SNTG1: variants seen among roughly 807,000 people sequenced by gnomAD.
The protein encoded by SNTG1 is gamma-1-syntrophin.
In SNTG1, 39 loss-of-function variants were observed where a neutral mutation model predicts 74.7. That is an observed-to-expected ratio of 0.52 (90% CI 0.40 to 0.68). SNTG1 has a LOEUF of 0.68. Among genes scored for constraint, SNTG1 ranks in the 30% least tolerant of loss-of-function variants. The probability of loss-of-function intolerance (pLI) is 0.00; values close to 1 mark genes in which losing one functional copy is unlikely to be tolerated. For missense variants in SNTG1, 685 were observed against 609.5 expected (o/e 1.12, Z -1.30); for synonymous variants, 254 against 217.1 (o/e 1.17, Z -1.49).
chr8:50,025,289 TTCTCATTAA>T (rs1313149173), intron 1 of SNTG1, among the ~76,000 whole-genome samples: 1 of 152,194 alleles, frequency 6.6e-6, no homozygotes, highest in Non-Finnish European at 1.5e-5. Context: ...ATAACCCACT[TTCTCATTAA>T]TCTTAATCTT....
chr8:50,337,369 A>G (rs1398213821), intron 2 of SNTG1, among the ~76,000 whole-genome samples: 1 of 152,180 alleles, frequency 6.6e-6, no homozygotes, highest in African/African-American at 2.4e-5. Flanking sequence ...TGGAAGTTAA[A>G]TCTCCTAGAG....
intron 1 of SNTG1, among the ~76,000 whole-genome samples, chr8:50,123,779 T>A (rs2081064928): frequency 7.0e-6 from 1 of 142,308 alleles, no homozygotes; most frequent in Non-Finnish European, 1.6e-5. Flanking sequence ...AATAGCTGTG[T>A]AACCTACAGG....
intron 1 of SNTG1, among the ~76,000 whole-genome samples, chr8:49,946,322 A>G (rs1809181809): frequency 6.6e-6 from 1 of 152,196 alleles, no homozygotes; most frequent in South Asian, 2.1e-4. Flanking sequence ...ATTGTAAATA[A>G]CTTTGTAGAC....
intron 13 of SNTG1, among the ~76,000 whole-genome samples, chr8:50,615,844 A>G (rs2094882204): frequency 1.3e-5 from 2 of 152,234 alleles, no homozygotes; most frequent in African/African-American, 4.8e-5. Flanking sequence ...GAGGCAACGC[A>G]TTTGTCAGTG....
chr8:50,463,727 A>T (rs2093586676), intron 8 of SNTG1, among the ~76,000 whole-genome samples: 1 of 152,176 alleles, frequency 6.6e-6, no homozygotes, highest in African/African-American at 2.4e-5. Flanking sequence ...TGGTACACAG[A>T]CATTGGCTTC....
At chr8:50,501,813 A>C (rs1429748568) in intron 8 of SNTG1, among the ~76,000 whole-genome samples, 1 of 151,960 alleles carries the variant, frequency 6.6e-6, no homozygotes, top group Non-Finnish European at 1.5e-5. Flanking sequence ...CAAGTAGCCA[A>C]TTCTTTAATT....
chr8:50,288,697 G>GA (rs970725189), intron 2 of SNTG1, among the ~76,000 whole-genome samples: 6 of 150,084 alleles, frequency 4.0e-5, no homozygotes, highest in Non-Finnish European at 5.9e-5. Flanking sequence ...AGGTCATCTG[G>GA]AAAAAAAAAG....
intron 11 of SNTG1, among the ~76,000 whole-genome samples, chr8:50,548,012 A>T (rs1323794270): frequency 6.6e-6 from 1 of 152,206 alleles, no homozygotes; most frequent in East Asian, 1.9e-4. Context: ...TGCATATGTA[A>T]TACCTGCTCC....
At chr8:49,938,603 T>TTTTTTTTCTTTTCTTTCTTTCTTTC (rs1554524905) in intron 1 of SNTG1, among the ~76,000 whole-genome samples, 2,103 of 74,730 alleles carry the variant, frequency 0.028, 217 homozygotes, top group Middle Eastern at 0.065. Context: ...TTTTCTTTTC[T>TTTTTTTTCTTTTCTTTCTTTCTTTC]TTTCTTTCTT....
intron 2 of SNTG1, among the ~76,000 whole-genome samples, chr8:50,191,472 T>C (rs1340914809): frequency 6.6e-6 from 1 of 152,112 alleles, no homozygotes; most frequent in Non-Finnish European, 1.5e-5. Flanking sequence ...GTTCGGCAAA[T>C]CATTTGCCTC....
intron 1 of SNTG1, among the ~76,000 whole-genome samples, chr8:50,016,919 G>A (rs1302458027): frequency 2.6e-5 from 4 of 152,086 alleles, no homozygotes; most frequent in African/African-American, 7.2e-5. Flanking sequence ...CAGAAACCAA[G>A]GAAGCTGGAA....
chr8:50,481,887 G>C (rs1023497856), intron 8 of SNTG1, among the ~76,000 whole-genome samples: 1 of 152,126 alleles, frequency 6.6e-6, no homozygotes, highest in African/African-American at 2.4e-5. Context: ...AATCAGTTTT[G>C]TGATTTCTGC....
intron 2 of SNTG1, among the ~76,000 whole-genome samples, chr8:50,266,605 G>T (rs2087477984): frequency 6.7e-6 from 1 of 149,808 alleles, no homozygotes; most frequent in South Asian, 2.1e-4. Context: ...TAATTTTGGT[G>T]GGGCATATGG....
chr8:50,657,605 C>T (rs921901375), intron 14 of SNTG1, among the ~76,000 whole-genome samples: 3 of 152,030 alleles, frequency 2.0e-5, no homozygotes, highest in Non-Finnish European at 1.5e-5. Flanking sequence ...CTATGGTAAT[C>T]CCATAGGATG....
chr8:49,989,481 G>C (rs1011903568), intron 1 of SNTG1, among the ~76,000 whole-genome samples: 1 of 151,794 alleles, frequency 6.6e-6, no homozygotes, highest in Non-Finnish European at 1.5e-5. Context: ...TTAAAGTCCA[G>C]GTTTTACTAT....
At chr8:50,701,994 G>A (rs1458265201) in intron 15 of SNTG1, among the ~76,000 whole-genome samples, 1 of 151,746 alleles carries the variant, frequency 6.6e-6, no homozygotes, top group East Asian at 2.0e-4. Context: ...GGAATTACAG[G>A]GATGCACCAC....
chr8:50,451,465 G>A (rs370025420), intron 8 of SNTG1, among the ~76,000 whole-genome samples: 11 of 152,124 alleles, frequency 7.2e-5, no homozygotes, highest in African/African-American at 2.2e-4. Context: ...GTGTGTGTGA[G>A]TTTGTGTGTT....
chr8:50,003,964 A>G (rs931541323), intron 1 of SNTG1, among the ~76,000 whole-genome samples: 2 of 152,144 alleles, frequency 1.3e-5, no homozygotes, highest in African/African-American at 4.8e-5. Flanking sequence ...GAATTTGCCA[A>G]TGATCCAAAG....
intron 1 of SNTG1, among the ~76,000 whole-genome samples, chr8:49,979,913 TG>T (rs1298118237): frequency 2.6e-5 from 4 of 152,238 alleles, no homozygotes; most frequent in African/African-American, 9.6e-5. Context: ...AATTCTATCC[TG>T]GTGAAAGAGC....
Sources: allele counts gnomAD v4.1 joint callset (sites outside exome capture counted in the v4.1 genomes callset), GRCh38; gene constraint gnomAD v4.1.1; transcripts MANE v1.5; gene names NCBI Gene and HGNC (gene_info 2026-07-23, HGNC 2026-07-21).